The following TTC9 variants were observed in gnomAD, a reference collection of about 807,000 sequenced individuals.
The protein encoded by TTC9 is tetratricopeptide repeat domain 9, also known as tetratricopeptide repeat protein 9A.
A neutral mutation model predicts 22.9 loss-of-function variants in TTC9; 13 were observed. The ratio of observed to expected loss-of-function variants is 0.57; its 90% CI spans 0.37 to 0.90. The LOEUF is 0.90. Ranked by LOEUF, TTC9 falls within the 40% of genes least tolerant of loss-of-function variation. The pLI, the probability that TTC9 is intolerant of heterozygous loss-of-function variation, is 0.01. For synonymous variants in TTC9, 148 were observed against 133.2 expected, an observed-to-expected ratio of 1.11 and a Z score of -0.77; for missense variants, 280 against 291.8, an observed-to-expected ratio of 0.96 and a Z score of 0.29.
At chr14:70,663,819 CCA>C in intron 1 of TTC9, among the ~76,000 whole-genome samples, 1 of 152,272 alleles carries the variant, frequency 6.6e-6, no homozygotes, top group South Asian at 2.1e-4. Flanking sequence ...AAGGGAGTTT[CCA>C]CAGATGACCT....
intron 1 of TTC9, among the ~76,000 whole-genome samples, chr14:70,663,458 T>C (rs1566700854): frequency 6.6e-6 from 1 of 152,180 alleles, no homozygotes; most frequent in Non-Finnish European, 1.5e-5. Flanking sequence ...CAAGACATCC[T>C]CATGTAACAA....
At chr14:70,654,971 T>A (rs1234989187) in intron 1 of TTC9, among the ~76,000 whole-genome samples, 3 of 152,234 alleles carry the variant, frequency 2.0e-5, no homozygotes, top group Admixed American at 2.0e-4. Flanking sequence ...TTGCAGACTG[T>A]TTACACATCC....
intron 1 of TTC9, among the ~76,000 whole-genome samples, chr14:70,659,117 TA>T (rs1272274351): frequency 1.2e-5 from 1 of 83,272 alleles, no homozygotes; most frequent in Admixed American, 1.2e-4. Context: ...TGTATATAAC[TA>T]AACACACACA....
intron 1 of TTC9, among the ~76,000 whole-genome samples, chr14:70,659,124 A>ACACACG (rs771569305): frequency 0.05 from 6,152 of 122,566 alleles, 147 homozygotes; most frequent in East Asian, 0.097. Context: ...AACTAAACAC[A>ACACACG]CACACACGCA....
rs72719800 is a variant in TTC9, at chr14:70,654,158, C to T, written c.406+11623C>T. ...CTCATGACCCTAAGCATCCCCAGAA[C>T]AGTGCCCCATGAAGAGGCAGTGCTT... On this transcript the variant is annotated intron_variant, in intron 1 of 2. Transcript: ENST00000256367. Among the ~76,000 whole-genome samples the T allele has an allele frequency of 9.1e-3, 1,380 of 152,286 alleles. 12 individuals carry two copies. The highest frequency in any genetic ancestry group is 0.017 in the South Asian group (80 of 4,810).
chr14:70,641,973 G>C lies in TTC9; in HGVS notation c.-157G>C. ...CCTCTGGCAGCAGCGGGGAGAATGG[G>C]AGTGCGGGGCGCCAGACCGCCGCGG... On this transcript the variant is annotated 5_prime_UTR_variant, in exon 1 of 3. Coordinates refer to ENST00000256367, the MANE Select transcript of TTC9 (RefSeq NM_015351.2). 1 of 325,684 alleles carries C rather than the reference G, an allele frequency of 3.1e-6. No individual in the cohort carries two copies. Among genetic ancestry groups the C allele is most frequent in the Non-Finnish European group, 4.5e-6 (1 of 224,060 alleles). 20.2% of individuals were successfully genotyped at this position (325,684 alleles called of 1,614,324 possible). A position where few individuals can be genotyped will look rare whatever the true frequency, so the allele number is the denominator to read the frequency against.
intron 1 of TTC9, among the ~76,000 whole-genome samples, chr14:70,645,358 G>A (rs1362093709): frequency 6.6e-6 from 1 of 152,194 alleles, no homozygotes; most frequent in Non-Finnish European, 1.5e-5. Flanking sequence ...GAAACCCACT[G>A]TGGTGTATTT....
Position 70,642,465 on chromosome 14 carries a change from CG to C in TTC9, c.338del (p.Gly113AlafsTer32), listed in dbSNP as rs1566693070. The C allele has an allele frequency of 6.4e-7, 1 of 1,552,204 alleles. No homozygotes were observed. The highest frequency in any genetic ancestry group is 8.7e-7 in the Non-Finnish European group (1 of 1,149,234). On this transcript the variant is annotated frameshift_variant, in exon 1 of 3. Coordinates refer to ENST00000256367, the MANE Select transcript of TTC9 (RefSeq NM_015351.2). LOFTEE classifies it high-confidence loss of function. ...CCTCCCCGGCTGGGGCCCTGAAGCC[CG>C]GCCGCCTCTCGGAGGAGCAGAGCAA... is the stretch of plus-strand genomic sequence containing the variant. ...PASPAGALKP[G>X]RLSEEQSKTV...
At chr14:70,645,008 A>C (rs1291692243) in intron 1 of TTC9, among the ~76,000 whole-genome samples, 1 of 152,116 alleles carries the variant, frequency 6.6e-6, no homozygotes, top group Non-Finnish European at 1.5e-5. Flanking sequence ...GTTACTGGGG[A>C]GGCTGAGGCA....
rs71105722 is a variant in TTC9, at chr14:70,664,727, TAAA to T, written c.407-2822_407-2820del. Among the ~76,000 whole-genome samples the T allele has an allele frequency of 5.3e-3, 741 of 140,996 alleles. 6 individuals are homozygous for T. The highest frequency in any genetic ancestry group is 7.6e-3 in the Non-Finnish European group (496 of 65,198). 92.5% of individuals were successfully genotyped at this position (140,996 alleles called of 152,430 possible). ...CTAGGCAATAGAGCGTGACTCCATTTAAAAAAAAAAAAAAAAAGAGTCCTGGCC... is the reference window on the plus strand; with the variant it reads ...CTAGGCAATAGAGCGTGACTCCATTTAAAAAAAAAAAAAAGAGTCCTGGCC... On this transcript the variant is annotated intron_variant, in intron 1 of 2. Coordinates refer to ENST00000256367, the MANE Select transcript of TTC9 (RefSeq NM_015351.2).
chr14:70,667,866 G>A (rs2139650978), intron 2 of TTC9, 120 bp downstream of exon 2: 1 of 960,570 alleles, frequency 1.0e-6, no homozygotes, highest in South Asian at 1.6e-5. Flanking sequence ...GCAAAATTAG[G>A]GATCAGATAT....
chr14:70,648,797 C>T (rs1018329055), intron 1 of TTC9, among the ~76,000 whole-genome samples: 6 of 152,040 alleles, frequency 3.9e-5, no homozygotes, highest in East Asian at 1.9e-4. Flanking sequence ...GGCCCAGACA[C>T]GGAGCAGCAA....
In TTC9 at chr14:70,674,633, G is replaced by A. The variant is rs1159839508; in HGVS notation, c.*3478G>A. ...CTCTAATTTATTTTGCATCCTAGTG[G>A]AGATGCTTACACATTGTCAAACATA... On this transcript the variant is annotated 3_prime_UTR_variant, in exon 3 of 3. Coordinates refer to ENST00000256367, the MANE Select transcript of TTC9 (RefSeq NM_015351.2). 1 of 152,186 alleles carries A rather than the reference G, an allele frequency of 6.6e-6. No homozygotes were observed. Among genetic ancestry groups the A allele is most frequent in the Admixed American group, 6.5e-5 (1 of 15,282 alleles). 9.4% of individuals were successfully genotyped at this position (152,186 alleles called of 1,614,324 possible). A position where few individuals can be genotyped will look rare whatever the true frequency, so the allele number is the denominator to read the frequency against.
At chr14:70,650,715 C>A (rs1224118521) in intron 1 of TTC9, among the ~76,000 whole-genome samples, 1 of 152,160 alleles carries the variant, frequency 6.6e-6, no homozygotes, top group Non-Finnish European at 1.5e-5. Flanking sequence ...TCTTTCTGAA[C>A]TGTGTGGCCA....
At chr14:70,667,482 C>A in intron 1 of TTC9, 82 bp from the exon 2 acceptor site, 3 of 1,505,456 alleles carry the variant, frequency 2.0e-6, no homozygotes, top group African/African-American at 2.7e-5. Context: ...CCTGCTAAAC[C>A]TCTGGAGAGA....
At chr14:70,652,580 A>C (rs200353377) in intron 1 of TTC9, among the ~76,000 whole-genome samples, 1 of 135,152 alleles carries the variant, frequency 7.4e-6, no homozygotes, top group Non-Finnish European at 1.8e-5. Context: ...AGTGAAAACA[A>C]AAAACAAAAC....
chr14:70,664,555 G>A (rs765550589), intron 1 of TTC9, among the ~76,000 whole-genome samples: 21 of 151,976 alleles, frequency 1.4e-4, no homozygotes, highest in East Asian at 1.9e-4. Flanking sequence ...GTGAAACCCC[G>A]TCTCTATTAA....
chr14:70,668,777 G>C (rs1886250332), intron 2 of TTC9, among the ~76,000 whole-genome samples: 1 of 150,548 alleles, frequency 6.6e-6, no homozygotes, highest in African/African-American at 2.5e-5. Flanking sequence ...CCTGAACCTG[G>C]AAGGCGGAGG....
intron 1 of TTC9, among the ~76,000 whole-genome samples, chr14:70,660,182 G>A (rs1266151111): frequency 1.3e-5 from 2 of 152,114 alleles, no homozygotes; most frequent in Non-Finnish European, 2.9e-5. Flanking sequence ...TTCTCCAGGG[G>A]AATATTTCAA....
Sources: allele counts gnomAD v4.1 joint callset (sites outside exome capture counted in the v4.1 genomes callset), GRCh38; gene constraint gnomAD v4.1.1; transcripts MANE v1.5; gene names NCBI Gene and HGNC (gene_info 2026-07-23, HGNC 2026-07-21).